COL25A1: variants seen among roughly 807,000 people sequenced by gnomAD.
COL25A1 encodes the protein collagen alpha-1(XXV) chain.
Under a neutral mutation model 128.4 loss-of-function variants are expected in COL25A1, and 103 were observed. That is an observed-to-expected ratio of 0.80 (90% CI 0.68 to 0.94). The LOEUF is 0.94. COL25A1 is among the 40% of genes least tolerant of loss of function. The pLI is 0.00. For missense variants in COL25A1, 745 were observed against 840.0 expected, an observed-to-expected ratio of 0.89 and a Z score of 1.40; for synonymous variants, 279 against 277.2, an observed-to-expected ratio of 1.01 and a Z score of -0.06.
chr4:108,820,982 C>T (rs1260144672), intron 35 of COL25A1, among the ~76,000 whole-genome samples: 6 of 151,936 alleles, frequency 3.9e-5, no homozygotes, highest in African/African-American at 1.2e-4. Context: ...GAGTTAGTGC[C>T]GTGCAGAACT....
At chr4:108,838,302 T>C (rs1734039353) in intron 31 of COL25A1, 1 of 673,350 alleles carries the variant, frequency 1.5e-6, no homozygotes. Flanking sequence ...TCAGGCTAGA[T>C]TTGTCTTGCA....
rs949816912 is a variant in COL25A1, at chr4:108,941,526, A to T, written c.493-89T>A. 1.1e-4 allele frequency: 102 copies of T among 905,628 alleles called. No homozygotes were observed. The African/African-American group carries it at 1.6e-3, about 14-fold the overall frequency. The allele number at this position is 905,628 out of a possible 1,614,324, so 56.1% of individuals were successfully genotyped here. A position where few individuals can be genotyped will look rare whatever the true frequency, so the allele number is the denominator to read the frequency against. ...AGAAGGCCCCAAGAAAGAAATAAAG[A>T]TATCCACATTAGACTTATAATGATT... On this transcript the variant is annotated intron_variant, in intron 8 of 37. Transcript: ENST00000399132.
At chr4:108,840,956 C>T (rs1167332557) in intron 31 of COL25A1, among the ~76,000 whole-genome samples, 1 of 152,178 alleles carries the variant, frequency 6.6e-6, no homozygotes, top group Non-Finnish European at 1.5e-5. Context: ...CAAGGTGATA[C>T]AGCCTGGCAA....
rs1734846369 is a variant in COL25A1 at position 108,844,513 on chromosome 4, A to G, written c.1629+6T>C. ...CAATTACATTTCAGAAAGAAGGGAAACTTACCATGGGGCCAGGTGGGCCAT... is the reference window on the plus strand; with the variant it reads ...CAATTACATTTCAGAAAGAAGGGAAGCTTACCATGGGGCCAGGTGGGCCAT... On this transcript the variant is annotated splice_donor_region_variant and intron_variant, in intron 30 of 37. Transcript: ENST00000399132. 6.2e-7 allele frequency: 1 copy of G among 1,614,102 alleles called. No individual in the cohort carries two copies. The highest frequency in any genetic ancestry group is 8.5e-7 in the Non-Finnish European group (1 of 1,179,982).
chr4:108,935,479 T>C (rs1438528390), intron 11 of COL25A1, among the ~76,000 whole-genome samples: 1 of 152,222 alleles, frequency 6.6e-6, no homozygotes, highest in Non-Finnish European at 1.5e-5. Context: ...GAATCGTACA[T>C]CTTTAAAAAC....
chr4:109,153,587 T>C (rs1434709554), intron 3 of COL25A1, among the ~76,000 whole-genome samples: 1 of 152,124 alleles, frequency 6.6e-6, no homozygotes, highest in Non-Finnish European at 1.5e-5. Flanking sequence ...TGAAACTTAG[T>C]GTCACCAACA....
At chr4:108,891,041 G>T (rs955025349) in intron 16 of COL25A1, among the ~76,000 whole-genome samples, 2 of 152,116 alleles carry the variant, frequency 1.3e-5, no homozygotes, top group Admixed American at 1.3e-4. Context: ...CTATCTCTCT[G>T]TTAGACAGTT....
chr4:109,256,748 T>A (rs1218255219), intron 3 of COL25A1, among the ~76,000 whole-genome samples: 1 of 152,166 alleles, frequency 6.6e-6, no homozygotes, highest in African/African-American at 2.4e-5. Context: ...TAACTTCTTT[T>A]AAATCTTTAG....
At chr4:109,127,506 T>G (rs976179173) in intron 3 of COL25A1, among the ~76,000 whole-genome samples, 3 of 152,138 alleles carry the variant, frequency 2.0e-5, no homozygotes, top group Admixed American at 1.3e-4. Context: ...TTTTTATTTT[T>G]AAATAGATAC....
Position 108,937,815 on chromosome 4 carries a change from C to G in COL25A1, c.701G>C (p.Gly234Ala). The G allele has an allele frequency of 1.2e-6, 2 of 1,607,382 alleles. No individual in the cohort carries two copies. Among genetic ancestry groups the G allele is most frequent in the African/African-American group, 1.3e-5 (1 of 74,582 alleles). ...ATAAACTGAGATACTTGCCATCAAG[C>G]CTTGTTCTCCTGGCTTTCCTGGTTC... ...PGEPGKPGEQ[G>A]LMGPLGPPGQ... The change falls in exon 11 of 38, where the codon GGC (glycine) becomes GCC (alanine). Residue 234 changes from glycine (G) to alanine (A), a missense_variant. Transcript: ENST00000399132.
At chr4:109,180,375 C>A (rs1008606365) in intron 3 of COL25A1, among the ~76,000 whole-genome samples, 1 of 152,096 alleles carries the variant, frequency 6.6e-6, no homozygotes, top group African/African-American at 2.4e-5. Flanking sequence ...TTTTAAAACT[C>A]TAAAGGATAG....
intron 29 of COL25A1, among the ~76,000 whole-genome samples, 187 bp from the exon 30 acceptor site, chr4:108,844,756 C>CA (rs932457995): frequency 3.3e-5 from 5 of 151,296 alleles, no homozygotes; most frequent in African/African-American, 1.2e-4. Context: ...AAAAAAATTC[C>CA]AAAAAAAGTT....
rs546028725 is a variant in COL25A1 at position 109,048,169 on chromosome 4, G to A, written c.419C>T (p.Pro140Leu). The change falls in exon 5 of 38, where the codon CCT becomes CTT. Residue 140 changes from proline (P) to leucine (L), a missense_variant and splice_region_variant. Pro to Leu is a moderately conservative substitution (Grantham distance 98). Coordinates refer to ENST00000399132, the MANE Select transcript of COL25A1 (RefSeq NM_198721.4). ...KRGRRGESGP[P>L]GQPGPQGPPG... ...CCAAAGTGCAGCAAACATACTTACA[G>A]GAGGACCTATGGGGGGAGCAGGTGG... 1 of 1,612,900 alleles carries A rather than the reference G, an allele frequency of 6.2e-7. No homozygotes were observed. The highest frequency in any genetic ancestry group is 1.7e-5 in the Admixed American group (1 of 59,994).
chr4:108,816,433 A>G (rs13115164), intron 37 of COL25A1, among the ~76,000 whole-genome samples: 74,972 of 152,064 alleles, frequency 0.49, 19,401 homozygotes, highest in Middle Eastern at 0.64. Flanking sequence ...AAATTTCAAA[A>G]TGATTGAAGC....
intron 3 of COL25A1, among the ~76,000 whole-genome samples, chr4:109,213,809 A>G (rs1409818786): frequency 1.3e-5 from 2 of 152,192 alleles, no homozygotes; most frequent in Non-Finnish European, 2.9e-5. Flanking sequence ...TAAGTTTAAT[A>G]TTGCCTTTCT....
intron 3 of COL25A1, among the ~76,000 whole-genome samples, chr4:109,148,469 G>A (rs963165563): frequency 1.1e-4 from 16 of 152,214 alleles, no homozygotes; most frequent in South Asian, 8.3e-4. Context: ...CATCCCACCA[G>A]GTACCCAAAT....
intron 3 of COL25A1, among the ~76,000 whole-genome samples, chr4:109,170,525 T>G (rs1773487632): frequency 2.6e-5 from 4 of 152,142 alleles, no homozygotes; most frequent in Non-Finnish European, 5.9e-5. Context: ...ACAAAAAACC[T>G]GGCTCCTGGG....
chr4:109,126,062 C>T (rs143345792), intron 3 of COL25A1, among the ~76,000 whole-genome samples: 1 of 151,948 alleles, frequency 6.6e-6, no homozygotes, highest in African/African-American at 2.4e-5. Context: ...CTTTGCTGTG[C>T]CGTAATATTT....
intron 5 of COL25A1, among the ~76,000 whole-genome samples, chr4:109,021,013 T>C (rs1354606903): frequency 6.6e-6 from 1 of 152,222 alleles, no homozygotes; most frequent in African/African-American, 2.4e-5. Context: ...TAGGGATACA[T>C]GGTGCAATAC....
Sources: gnomAD v4.1 joint callset for allele counts (sites outside exome capture counted in the v4.1 genomes callset) on GRCh38, gnomAD v4.1.1 for gene constraint, MANE v1.5 for transcripts, NCBI Gene and HGNC (gene_info 2026-07-23, HGNC 2026-07-21) for gene names.